The following SI variants were observed in gnomAD, a reference collection of about 807,000 sequenced individuals.
SI encodes sucrase-isomaltase, intestinal.
SI carries 235 observed loss-of-function variants against 253.3 expected under a neutral mutation model. That is an observed-to-expected ratio of 0.93 (90% confidence interval 0.83 to 1.03). The LOEUF (loss-of-function observed/expected upper bound fraction) is 1.03. Ranked by LOEUF, SI falls within the 50% of genes least tolerant of loss-of-function variation. SI has a pLI of 0.00. For synonymous variants in SI, 819 were observed against 712.0 expected (o/e 1.15, Z -2.39); for missense variants, 2,442 against 2,211.1 (o/e 1.10, Z -2.09).
chr3:164,992,194 AC>A lies in SI; in HGVS notation c.4965del (p.Trp1656GlyfsTer26). On this transcript the variant is annotated frameshift_variant, in exon 43 of 48. Coordinates refer to ENST00000264382, the MANE Select transcript of SI (RefSeq NM_001041.4). LOFTEE classifies it high-confidence loss of function. Reference sequence around the variant, plus strand: ...ATACTTACTGTATGGTAGTCAAACCACCGAGCATTGGGGACGTAGGCATTTA... The same window carrying A: ...ATACTTACTGTATGGTAGTCAAACCACGAGCATTGGGGACGTAGGCATTTA... ...QTVNAYVPNA[R>X]WFDYHTGKDI... 1 of 1,611,540 alleles carries A rather than the reference AC, an allele frequency of 6.2e-7. No homozygotes were observed.
chr3:165,081,430 T>A (rs1012068546), upstream of SI, among the ~76,000 whole-genome samples: 1 of 151,956 alleles, frequency 6.6e-6, no homozygotes, highest in Non-Finnish European at 1.5e-5. Flanking sequence ...TTATGTACTT[T>A]GTCTCTGAAA....
chr3:165,065,745 T>A (rs1714216648), intron 6 of SI, among the ~76,000 whole-genome samples: 2 of 151,632 alleles, frequency 1.3e-5, no homozygotes, highest in Admixed American at 1.3e-4. Flanking sequence ...AATTAATTGA[T>A]GTTTTTAGGG....
intron 16 of SI, among the ~76,000 whole-genome samples, chr3:165,044,854 T>C (rs1292997618): frequency 6.6e-6 from 1 of 152,036 alleles, no homozygotes; most frequent in African/African-American, 2.4e-5. Context: ...CCATTTTATA[T>C]TTTCTTCTGA....
At chr3:165,038,960 A>T in intron 20 of SI, 118 bp downstream of exon 20, 5 of 635,548 alleles carry the variant, frequency 7.9e-6, no homozygotes, top group Non-Finnish European at 1.4e-5. Flanking sequence ...TATAGTAATG[A>T]CAGAAATTCT....
chr3:165,026,654 C>G (rs1576894008), intron 25 of SI, among the ~76,000 whole-genome samples: 1 of 151,194 alleles, frequency 6.6e-6, no homozygotes, highest in Non-Finnish European at 1.5e-5. Context: ...AACTGGAAAT[C>G]AACTCCAAAA....
chr3:165,080,515 A>G (rs1188787369), upstream of SI, among the ~76,000 whole-genome samples: 1 of 152,040 alleles, frequency 6.6e-6, no homozygotes, highest in Non-Finnish European at 1.5e-5. Context: ...ATGTCCATCA[A>G]TGATAGACTG....
chr3:165,050,739 A>G (rs1413968676), intron 13 of SI, among the ~76,000 whole-genome samples: 1 of 152,082 alleles, frequency 6.6e-6, no homozygotes, highest in Non-Finnish European at 1.5e-5. Context: ...ATTCAGTCAC[A>G]TCCTTGTCTG....
chr3:165,083,218 C>G (rs1415911868), upstream of SI, among the ~76,000 whole-genome samples: 1 of 151,882 alleles, frequency 6.6e-6, no homozygotes, highest in African/African-American at 2.4e-5. Flanking sequence ...GGGTATGTGG[C>G]TGTCCAGACT....
intron 35 of SI, 60 bp downstream of exon 35, chr3:165,009,219 T>C (rs1718655896): frequency 1.8e-6 from 2 of 1,119,998 alleles, no homozygotes; most frequent in African/African-American, 3.1e-5. Flanking sequence ...CAAGTACTAA[T>C]TTTGCATAAT....
chr3:164,994,053 G>A (rs1477038146), intron 41 of SI, among the ~76,000 whole-genome samples: 1 of 151,652 alleles, frequency 6.6e-6, no homozygotes, highest in Non-Finnish European at 1.5e-5. Context: ...ACTAATTAAT[G>A]TGGTTCATTC....
At position 165,018,083 on chromosome 3, in the gene SI, A is replaced by T; in HGVS notation, c.3424-17T>A. On this transcript the variant is annotated splice_polypyrimidine_tract_variant and intron_variant, in intron 28 of 47. Transcript: ENST00000264382. ...AAGTTTGTACTGAAATACGAAAAATAAGCACAATATATTTTAAGTAACAAT... is the reference window on the plus strand; with the variant it reads ...AAGTTTGTACTGAAATACGAAAAATTAGCACAATATATTTTAAGTAACAAT... 1 of 1,370,776 alleles carries T rather than the reference A, an allele frequency of 7.3e-7. No homozygotes were observed. Among genetic ancestry groups the T allele is most frequent in the Non-Finnish European group, 1.0e-6 (1 of 958,488 alleles). 84.9% of individuals were successfully genotyped at this position (1,370,776 alleles called of 1,614,324 possible). A position where few individuals can be genotyped will look rare whatever the true frequency, so the allele number is the denominator to read the frequency against.
chr3:165,087,148 C>CGAACAAATACACAAAACA, the SI span, among the ~76,000 whole-genome samples: 2 of 98,290 alleles, frequency 2.0e-5, no homozygotes, highest in African/African-American at 6.4e-5. Flanking sequence ...CAAAACAAAA[C>CGAACAAATACACAAAACA]AAACAAACAA....
upstream of SI, among the ~76,000 whole-genome samples, chr3:165,082,078 A>T (rs1318781011): frequency 1.3e-5 from 2 of 151,944 alleles, no homozygotes; most frequent in Non-Finnish European, 2.9e-5. Context: ...AGATGTAACG[A>T]TTCTTAGAAG....
At position 165,023,836 on chromosome 3, in the gene SI, T is replaced by C. The variant is rs538128105; in HGVS notation, c.2893-60A>G. 18 of 1,200,638 alleles carry C rather than the reference T, an allele frequency of 1.5e-5. No homozygotes were observed. The African/African-American group carries it at 2.1e-4, about 14-fold the overall frequency. 74.4% of individuals were successfully genotyped at this position (1,200,638 alleles called of 1,614,324 possible). A position where few individuals can be genotyped will look rare whatever the true frequency, so the allele number is the denominator to read the frequency against. On this transcript the variant is annotated intron_variant, in intron 25 of 47. Coordinates refer to ENST00000264382, the MANE Select transcript of SI (RefSeq NM_001041.4). ...ATAAGCCTTGTAATATTTTACTCTT[T>C]AAAATTATACTGACGTTTAGTCACA...
chr3:165,067,532 C>G (rs1189052903), intron 5 of SI, 41 bp from the exon 6 acceptor site: 1 of 1,516,996 alleles, frequency 6.6e-7, no homozygotes, highest in Non-Finnish European at 9.1e-7. Flanking sequence ...GGATTCTAAA[C>G]TATTATTTAA....
chr3:165,021,521 T>A, intron 26 of SI, 138 bp from the exon 27 acceptor site: 1 of 720,960 alleles, frequency 1.4e-6, no homozygotes, highest in Non-Finnish European at 2.4e-6. Context: ...ACATTCATGG[T>A]CCATATAACC....
At chr3:165,039,538 C>T (rs113104812) in intron 19 of SI, among the ~76,000 whole-genome samples, 1 of 151,902 alleles carries the variant, frequency 6.6e-6, no homozygotes, top group East Asian at 1.9e-4. Flanking sequence ...TTTTCCAGTT[C>T]CTCTTTATTT....
At chr3:165,031,075 G>A (rs1003981695) in intron 24 of SI, among the ~76,000 whole-genome samples, 60 of 149,604 alleles carry the variant, frequency 4.0e-4, no homozygotes, top group African/African-American at 1.4e-3. Flanking sequence ...ATATATATGT[G>A]TGTATTTATG....
At position 165,006,851 on chromosome 3, in the gene SI, A is replaced by C; in HGVS notation, c.4371T>G (p.Asn1457Lys). 1 of 1,612,786 alleles carries C rather than the reference A, an allele frequency of 6.2e-7. No homozygotes were observed. The highest frequency in any genetic ancestry group is 8.5e-7 in the Non-Finnish European group (1 of 1,179,022). The change falls in exon 37 of 48, where the codon AAT becomes AAG. Residue 1457 changes from asparagine to lysine, a missense_variant. Transcript: ENST00000264382. ...GTTTCATCTGTGACCATCCATAGAG[A>C]TTGTGAACATCGTAATGCAAAACTG... ...GTSVLHYDVH[N>K]LYGWSQMKPT...
Sources: allele counts gnomAD v4.1 joint callset (sites outside exome capture counted in the v4.1 genomes callset), GRCh38; gene constraint gnomAD v4.1.1; transcripts MANE v1.5; gene names NCBI Gene and HGNC (gene_info 2026-07-23, HGNC 2026-07-21).